Variants in CBLB observed in about 807,000 individuals in gnomAD.
CBLB encodes Cbl proto-oncogene B.
CBLB carries 31 observed loss-of-function variants against 104.9 expected under a neutral mutation model. The observed-to-expected ratio is 0.30, with a 90% CI of 0.22 to 0.40. The LOEUF (loss-of-function observed/expected upper bound fraction) is 0.40, where lower values mean the gene tolerates loss of function less well. Among genes scored for constraint, CBLB ranks in the 10% least tolerant of loss-of-function variants. The pLI is 1.00. For synonymous variants in CBLB, 440 were observed against 422.6 expected, an observed-to-expected ratio of 1.04 and a Z score of -0.51; for missense variants, 1,062 against 1,214.6, an observed-to-expected ratio of 0.87 and a Z score of 1.87.
intron 5 of CBLB, among the ~76,000 whole-genome samples, chr3:105,748,015 C>T (rs1305584547): frequency 1.3e-5 from 2 of 152,106 alleles, no homozygotes; most frequent in African/African-American, 2.4e-5. Context: ...GTATGCAGCC[C>T]ATTCAAAACA....
At chr3:105,778,624 G>C (rs1431647143) in intron 3 of CBLB, among the ~76,000 whole-genome samples, 7 of 151,906 alleles carry the variant, frequency 4.6e-5, no homozygotes, top group Admixed American at 2.6e-4. Flanking sequence ...AAAGGGGGGA[G>C]GGCATAACAT....
intron 13 of CBLB, among the ~76,000 whole-genome samples, chr3:105,688,342 C>CT: frequency 6.7e-6 from 1 of 149,092 alleles, no homozygotes; most frequent in South Asian, 2.1e-4. Context: ...ATAGTCACCA[C>CT]CCCCCCCACA....
Position 105,704,228 on chromosome 3 carries a change from C to G in CBLB, c.1408-55G>C, listed in dbSNP as rs181212524. 1.6e-5 allele frequency: 24 copies of G among 1,529,138 alleles called. No individual in the cohort carries two copies. In the African/African-American group the frequency reaches 3.1e-4, roughly 20 times the overall value. 94.7% of individuals were successfully genotyped at this position (1,529,138 alleles called of 1,614,324 possible). A position where few individuals can be genotyped will look rare whatever the true frequency, so the allele number is the denominator to read the frequency against. ...GTTTATTAGCTGTGCAGAGTGTTCT[C>G]TGTTCTTAAAGAATATATTTGGTTG... On this transcript the variant is annotated intron_variant, in intron 10 of 18. Coordinates refer to ENST00000394030, the MANE Select transcript of CBLB (RefSeq NM_170662.5).
rs1212642411 is a variant in CBLB at position 105,675,431 on chromosome 3, T to C, written c.2569+3000A>G. On this transcript the variant is annotated intron_variant, in intron 17 of 18. Transcript: ENST00000394030. Reference sequence around the variant, plus strand: ...TCTTTAGACAGTATAATGTATTAAATACTTTGCAAAACAATACTCAAATGC... The same window carrying C: ...TCTTTAGACAGTATAATGTATTAAACACTTTGCAAAACAATACTCAAATGC... 7.2e-5 allele frequency among the ~76,000 whole-genome samples: 11 copies of C among 152,352 alleles called. No homozygotes were observed. The East Asian group carries it at 2.1e-3, about 29-fold the overall frequency.
At chr3:105,854,344 G>C (rs2091326553) in intron 2 of CBLB, among the ~76,000 whole-genome samples, 1 of 152,208 alleles carries the variant, frequency 6.6e-6, no homozygotes, top group South Asian at 2.1e-4. Flanking sequence ...GGCCAGAGAA[G>C]GTAGTAATCC....
intron 10 of CBLB, among the ~76,000 whole-genome samples, chr3:105,712,271 CTCT>C (rs1016880856): frequency 1.3e-5 from 2 of 152,092 alleles, no homozygotes; most frequent in Non-Finnish European, 2.9e-5. Flanking sequence ...ATTTATGGTT[CTCT>C]TCTCTTTATG....
intron 12 of CBLB, among the ~76,000 whole-genome samples, chr3:105,699,703 G>A (rs563997960): frequency 6.6e-6 from 1 of 152,272 alleles, no homozygotes; most frequent in Admixed American, 6.5e-5. Flanking sequence ...ATCTAATGAA[G>A]TGAATCATTT....
chr3:105,848,117 G>A (rs2090510003), intron 3 of CBLB, among the ~76,000 whole-genome samples: 1 of 152,000 alleles, frequency 6.6e-6, no homozygotes, highest in Non-Finnish European at 1.5e-5. Context: ...CCCAGCTGGA[G>A]TAGCACCAAC....
At chr3:105,763,452 TG>T (rs57218332) in intron 4 of CBLB, among the ~76,000 whole-genome samples, 2,249 of 152,296 alleles carry the variant, frequency 0.015, 62 homozygotes, top group African/African-American at 0.05. Flanking sequence ...AGGAGGTATT[TG>T]AATCATGGGA....
intron 10 of CBLB, among the ~76,000 whole-genome samples, chr3:105,710,670 T>G (rs1421163806): frequency 1.3e-5 from 2 of 151,948 alleles, no homozygotes; most frequent in Non-Finnish European, 2.9e-5. Context: ...TAACTAACAA[T>G]TTCTCTTAAG....
chr3:105,868,568 C>T, intron 1 of CBLB, 168 bp downstream of exon 1: 1 of 368,996 alleles, frequency 2.7e-6, no homozygotes, highest in Non-Finnish European at 4.2e-6. Flanking sequence ...TCCTCCCCGG[C>T]CTGCGGGTTC....
intron 3 of CBLB, among the ~76,000 whole-genome samples, chr3:105,807,537 G>A (rs1472395577): frequency 1.3e-5 from 2 of 152,064 alleles, no homozygotes; most frequent in Non-Finnish European, 2.9e-5. Context: ...CCTATGTTCA[G>A]AGAAACACAT....
chr3:105,784,234 T>C (rs1029497843), intron 3 of CBLB, among the ~76,000 whole-genome samples: 14 of 152,252 alleles, frequency 9.2e-5, no homozygotes, highest in Non-Finnish European at 1.6e-4. Flanking sequence ...GACCACTCCA[T>C]TGAGACAAAA....
intron 3 of CBLB, among the ~76,000 whole-genome samples, chr3:105,792,366 A>T (rs543784473): frequency 3.9e-5 from 6 of 152,294 alleles, no homozygotes; most frequent in African/African-American, 1.2e-4. Context: ...GAGGCTGCTA[A>T]CGTCACTACT....
At chr3:105,754,284 A>G (rs1372011977) in intron 4 of CBLB, among the ~76,000 whole-genome samples, 1 of 152,104 alleles carries the variant, frequency 6.6e-6, no homozygotes, top group Non-Finnish European at 1.5e-5. Context: ...CTAAGTGGCT[A>G]CCATTCTTCT....
intron 13 of CBLB, among the ~76,000 whole-genome samples, chr3:105,691,219 G>C (rs1243132280): frequency 6.6e-6 from 1 of 152,196 alleles, no homozygotes; most frequent in Non-Finnish European, 1.5e-5. Flanking sequence ...GCCATTAAAA[G>C]CTAGCATTTG....
In CBLB at chr3:105,742,441, T is replaced by C. The variant is rs1487836706; in HGVS notation, c.846-1810A>G. Among the ~76,000 whole-genome samples, 6 of 152,282 alleles carry C rather than the reference T, an allele frequency of 3.9e-5. No individual in the cohort carries two copies. The East Asian group carries it at 1.2e-3, about 29-fold the overall frequency. ...TTAAATATTAAAAACTTTATATTGG[T>C]GATAGAATCTTTGGAAAGAACTTTT... On this transcript the variant is annotated intron_variant, in intron 6 of 18. Transcript: ENST00000394030.
At chr3:105,839,098 C>T (rs2089130315) in intron 3 of CBLB, among the ~76,000 whole-genome samples, 1 of 152,136 alleles carries the variant, frequency 6.6e-6, no homozygotes, top group African/African-American at 2.4e-5. Flanking sequence ...TGAAAGCAGA[C>T]AGAAGGTCAG....
upstream of CBLB, chr3:105,869,321 G>A (rs994111834): frequency 4.3e-5 from 53 of 1,243,392 alleles, no homozygotes; most frequent in Admixed American, 1.2e-3. Flanking sequence ...GGGATGCAAG[G>A]CACGAAGGAG....
Sources: allele counts gnomAD v4.1 joint callset (sites outside exome capture counted in the v4.1 genomes callset), GRCh38; gene constraint gnomAD v4.1.1; transcripts MANE v1.5; gene names NCBI Gene and HGNC (gene_info 2026-07-23, HGNC 2026-07-21).